Variants in ACBD5 observed in about 807,000 individuals in gnomAD.
ACBD5 encodes the protein acyl-CoA binding domain containing 5.
ACBD5 carries 40 observed loss-of-function variants against 71.8 expected under a neutral mutation model. That is an observed-to-expected ratio of 0.56 (90% confidence interval 0.43 to 0.72). ACBD5 has a LOEUF of 0.72. Ranked by LOEUF, ACBD5 falls within the 30% of genes least tolerant of loss-of-function variation. The pLI, the probability that ACBD5 is intolerant of heterozygous loss-of-function variation, is 0.00. For synonymous variants in ACBD5, 229 were observed against 218.6 expected, an observed-to-expected ratio of 1.05 and a Z score of -0.42; for missense variants, 559 against 644.5, an observed-to-expected ratio of 0.87 and a Z score of 1.44.
intron 4 of ACBD5, among the ~76,000 whole-genome samples, chr10:27,223,935 G>A (rs1448208893): frequency 1.3e-5 from 2 of 151,122 alleles, no homozygotes; most frequent in Admixed American, 1.3e-4. Context: ...AAAATAAAAG[G>A]AATCCTTTAA....
At chr10:27,205,376 T>G (rs2060381665) in intron 10 of ACBD5, 128 bp from the exon 11 acceptor site, 13 of 858,520 alleles carry the variant, frequency 1.5e-5, no homozygotes, top group Non-Finnish European at 2.5e-5. Flanking sequence ...TTTCTTTATG[T>G]ATAGAACAGT....
intron 12 of ACBD5, among the ~76,000 whole-genome samples, chr10:27,201,788 A>G (rs7900802): frequency 0.069 from 10,534 of 152,196 alleles, 685 homozygotes; most frequent in African/African-American, 0.17. Flanking sequence ...CCAGTCCTAT[A>G]TGTTTTATAC....
Position 27,204,856 on chromosome 10 carries a change from G to A in ACBD5, c.1456-307C>T, listed in dbSNP as rs907849734. 4.6e-5 allele frequency among the ~76,000 whole-genome samples: 7 copies of A among 152,178 alleles called. No homozygotes were observed. The South Asian group carries it at 6.2e-4, about 14-fold the overall frequency. ...ACATATGAAACCATGGGCCGGGCGC[G>A]GTGGCTCACACCTGTAATCCCAGCA... On this transcript the variant is annotated intron_variant, in intron 11 of 12. Transcript: ENST00000396271.
chr10:27,197,005 T>TA lies in ACBD5; in HGVS notation c.*424_*425insT, dbSNP rs1326809460. On this transcript the variant is annotated 3_prime_UTR_variant, in exon 13 of 13. Transcript: ENST00000396271. ...TCTCATTTGAAATTCACTCCTGGTT[T>TA]GCATTCTTTCTTTTATTTAATTTAG... 2.2e-6 allele frequency: 1 copy of TA among 448,342 alleles called. No individual in the cohort carries two copies. The highest frequency in any genetic ancestry group is 2.0e-5 in the African/African-American group (1 of 49,938). The allele number at this position is 448,342 out of a possible 1,614,324, so 27.8% of individuals were successfully genotyped here. A position where few individuals can be genotyped will look rare whatever the true frequency, so the allele number is the denominator to read the frequency against.
In ACBD5 at chr10:27,197,066, T is replaced by C. The variant is rs1195686558; in HGVS notation, c.*364A>G. Reference sequence around the variant, plus strand: ...ATAATAACTTATAAATTTGATCTCATTATCACAATGGTACCTTTGAAAAGC... The same window carrying C: ...ATAATAACTTATAAATTTGATCTCACTATCACAATGGTACCTTTGAAAAGC... On this transcript the variant is annotated 3_prime_UTR_variant, in exon 13 of 13. Transcript: ENST00000396271. The C allele has an allele frequency of 6.5e-6, 3 of 459,264 alleles. No homozygotes were observed. The highest frequency in any genetic ancestry group is 2.4e-5 in the Admixed American group (1 of 41,762). 28.4% of individuals were successfully genotyped at this position (459,264 alleles called of 1,614,324 possible).
intron 4 of ACBD5, among the ~76,000 whole-genome samples, chr10:27,228,815 A>ATATT (rs1554856598): frequency 2.9e-4 from 6 of 20,362 alleles, no homozygotes; most frequent in South Asian, 2.0e-3. Context: ...ATATATATAT[A>ATATT]TTTTTTTTTT....
intron 13 of ACBD5, among the ~76,000 whole-genome samples, chr10:27,188,155 A>G (rs1417269853): frequency 4.6e-5 from 7 of 152,236 alleles, no homozygotes; most frequent in African/African-American, 1.7e-4. Context: ...TTAGTGCTAT[A>G]TAACTGAATC....
downstream of ACBD5, among the ~76,000 whole-genome samples, chr10:27,190,421 TA>T (rs1350614694): frequency 1.3e-5 from 2 of 152,206 alleles, no homozygotes; most frequent in Non-Finnish European, 2.9e-5. Flanking sequence ...ATAGCAAACA[TA>T]AAAGGTGTTT....
intron 4 of ACBD5, among the ~76,000 whole-genome samples, chr10:27,227,084 A>G (rs1321135426): frequency 7.5e-6 from 1 of 133,034 alleles, no homozygotes; most frequent in Non-Finnish European, 1.6e-5. Flanking sequence ...GCCTAAAATA[A>G]TTCTTCTTCC....
Position 27,208,442 on chromosome 10 carries a change from T to C in ACBD5, c.1208A>G (p.His403Arg), listed in dbSNP as rs754756454. Reference protein sequence around the residue: ...EFSNVRRGRGHRMQHLSEGTK... With the variant: ...EFSNVRRGRGRRMQHLSEGTK... Reference sequence around the variant, plus strand: ...TCCTTCGCTCAAGTGTTGCATCCTATGTCCTATTTTAAGAGGCAAAAATAA... The same window carrying C: ...TCCTTCGCTCAAGTGTTGCATCCTACGTCCTATTTTAAGAGGCAAAAATAA... The change falls in exon 10 of 13, where the codon CAT (histidine) becomes CGT (arginine). Residue 403 changes from histidine to arginine, a missense_variant. By Grantham distance (29) the His-to-Arg change is conservative (BLOSUM62 0). Coordinates refer to ENST00000396271, the MANE Select transcript of ACBD5 (RefSeq NM_145698.5). 11 of 1,613,532 alleles carry C rather than the reference T, an allele frequency of 6.8e-6. No individual in the cohort carries two copies. The South Asian group carries it at 7.7e-5, about 11-fold the overall frequency.
intron 8 of ACBD5, among the ~76,000 whole-genome samples, chr10:27,213,613 G>A (rs528185397): frequency 6.6e-6 from 1 of 151,980 alleles, no homozygotes; most frequent in Non-Finnish European, 1.5e-5. Context: ...CAAAATTAGC[G>A]GGGCATGGTG....
rs772689167 is a variant in ACBD5 at position 27,204,522 on chromosome 10, A to G, written c.1483T>C (p.Ser495Pro). 4.3e-6 allele frequency: 7 copies of G among 1,613,992 alleles called. No homozygotes were observed. Among genetic ancestry groups the G allele is most frequent in the Admixed American group, 3.3e-5 (2 of 59,996 alleles). Residue 495 changes from serine to proline, a missense_variant, in exon 12 of 13, where the codon TCT (serine) becomes CCT (proline). Ser to Pro is a moderately conservative substitution (Grantham distance 74). Coordinates refer to ENST00000396271, the MANE Select transcript of ACBD5 (RefSeq NM_145698.5). The stretch of plus-strand genomic sequence containing the variant: ...ATGGCAAACGTTAGCACACCAGGAG[A>G]CATCTCGAAGGGCCACCAAGATGGT... ...QRPSWWPFEM[S>P]PGVLTFAIIW...
rs758037032 is a variant in ACBD5 at position 27,219,804 on chromosome 10, C to T, written c.544G>A (p.Ala182Thr). Reference protein sequence around the residue: ...TPNAKTVNGKAESSDSGAESE... With the variant: ...TPNAKTVNGKTESSDSGAESE... The stretch of plus-strand genomic sequence containing the variant: ...TCGGCTCCACTGTCACTGCTTTCAG[C>T]TTTACCATTAACGGTTTTGGCGTTT... The change falls in exon 6 of 13, where the codon GCT (alanine) becomes ACT (threonine). Residue 182 changes from alanine to threonine, a missense_variant. Transcript: ENST00000396271. The T allele has an allele frequency of 1.5e-5, 24 of 1,613,982 alleles. No individual in the cohort carries two copies. The East Asian group carries it at 5.3e-4, about 36-fold the overall frequency.
chr10:27,234,509 A>G (rs564719188), intron 3 of ACBD5, among the ~76,000 whole-genome samples: 5,141 of 148,888 alleles, frequency 0.035, 133 homozygotes, highest in South Asian at 0.091. Context: ...AAAAAAAAAA[A>G]AGGGAAAACT....
In ACBD5 at chr10:27,187,402, C is replaced by T. The variant is rs186037581; in HGVS notation, c.1494-4687G>A. Among the ~76,000 whole-genome samples the T allele has an allele frequency of 4.1e-3, 619 of 152,298 alleles. 5 individuals carry two copies. The highest frequency in any genetic ancestry group is 0.014 in the African/African-American group (595 of 41,562). ...GCTTTCACTTACTTTACTAATGATA[C>T]GGTTTTGCCACCTTAATTTCTATTG... is the stretch of plus-strand genomic sequence containing the variant. On this transcript the variant is annotated intron_variant, in intron 13 of 13. Coordinates refer to the ACBD5 transcript ENST00000676511.
rs534527012 is a variant in ACBD5 at position 27,212,538 on chromosome 10, T to G, written c.937-1457A>C. On this transcript the variant is annotated intron_variant, in intron 8 of 12. Coordinates refer to ENST00000396271, the MANE Select transcript of ACBD5 (RefSeq NM_145698.5). ...CATTTTTCACTAATTTCACTCATTC[T>G]CAGTTTGGCCTCCTTATCATTATTC... Among the ~76,000 whole-genome samples, 74 of 151,790 alleles carry G rather than the reference T, an allele frequency of 4.9e-4. 3 individuals carry two copies. The South Asian group carries it at 0.015, about 31-fold the overall frequency.
intron 2 of ACBD5, 134 bp from the exon 3 acceptor site, chr10:27,235,346 T>C: frequency 8.5e-7 from 1 of 1,182,154 alleles, no homozygotes; most frequent in Non-Finnish European, 1.2e-6. Context: ...TTCTAGCTTA[T>C]AGAAACAAAA....
chr10:27,200,520 C>T (rs1261357541), intron 12 of ACBD5, among the ~76,000 whole-genome samples: 1 of 152,022 alleles, frequency 6.6e-6, no homozygotes, highest in East Asian at 1.9e-4. Context: ...TCTCAGCTCA[C>T]TGCAACCTCT....
chr10:27,217,145 CAAAA>C (rs375519969), intron 7 of ACBD5, among the ~76,000 whole-genome samples: 1 of 83,232 alleles, frequency 1.2e-5, no homozygotes. Flanking sequence ...GACTCTGTCT[CAAAA>C]AAAAAAAAAA....
Sources: allele counts gnomAD v4.1 joint callset (sites outside exome capture counted in the v4.1 genomes callset), GRCh38; gene constraint gnomAD v4.1.1; transcripts MANE v1.5; gene names NCBI Gene and HGNC (gene_info 2026-07-23, HGNC 2026-07-21).